SAMD13: variants seen among roughly 807,000 people sequenced by gnomAD.
SAMD13 encodes the protein sterile alpha motif domain-containing protein 13.
SAMD13 carries 9 observed loss-of-function variants against 12.4 expected under a neutral mutation model. The observed-to-expected ratio is 0.72, with a 90% CI of 0.44 to 1.26. The LOEUF (loss-of-function observed/expected upper bound fraction) is 1.26, where lower values mean the gene tolerates loss of function less well. Ranked by LOEUF, SAMD13 falls within the 50% of genes most tolerant of loss-of-function variation. SAMD13 has a pLI of 0.00. For missense variants in SAMD13, 84 were observed against 119.6 expected, an observed-to-expected ratio of 0.70 and a Z score of 1.39; for synonymous variants, 46 against 45.4, an observed-to-expected ratio of 1.01 and a Z score of -0.05.
chr1:84,332,068 C>A (rs1187355601), intron 3 of SAMD13, among the ~76,000 whole-genome samples: 2 of 152,100 alleles, frequency 1.3e-5, no homozygotes, highest in Non-Finnish European at 2.9e-5. Flanking sequence ...TGATCTTATT[C>A]TTTTTTAATG....
At chr1:84,340,294 T>C (rs1448167105) in intron 3 of SAMD13, among the ~76,000 whole-genome samples, 3 of 152,206 alleles carry the variant, frequency 2.0e-5, no homozygotes, top group Non-Finnish European at 4.4e-5. Context: ...TGGATAAACA[T>C]TGAAAACATG....
chr1:84,308,163 T>C (rs1013324808), intron 2 of SAMD13, among the ~76,000 whole-genome samples: 2 of 152,198 alleles, frequency 1.3e-5, no homozygotes, highest in Non-Finnish European at 2.9e-5. Context: ...TATTTCATCT[T>C]TTTTATTAAA....
At position 84,312,824 on chromosome 1, in the gene SAMD13, AGT is replaced by A. The variant is rs201739607; in HGVS notation, c.53+9539_53+9540del. Among the ~76,000 whole-genome samples, 37 of 152,310 alleles carry A rather than the reference AGT, an allele frequency of 2.4e-4. No homozygotes were observed. In the East Asian group the frequency reaches 7.1e-3, roughly 29 times the overall value. ...TTCCTCAATCAAACTTCAAATGCTC[AGT>A]GGACACATGGTACTAGCTGCTACCA... On this transcript the variant is annotated intron_variant, in intron 2 of 3. Transcript: ENST00000394834.
At chr1:84,300,338 G>A (rs764977287), upstream of SAMD13, among the ~76,000 whole-genome samples, 21 of 152,050 alleles carry the variant, frequency 1.4e-4, no homozygotes, top group Non-Finnish European at 2.5e-4. Flanking sequence ...AATCTTTCTT[G>A]GCACTGATCT....
chr1:84,315,766 A>G (rs1273221586), intron 2 of SAMD13, among the ~76,000 whole-genome samples: 1 of 152,126 alleles, frequency 6.6e-6, no homozygotes, highest in Non-Finnish European at 1.5e-5. Flanking sequence ...TAGTAGTTCT[A>G]TCTTTAATTT....
Position 84,325,151 on chromosome 1 carries a change from G to A in SAMD13, c.54-486G>A, listed in dbSNP as rs1030503717. ...CCAGAAAAAATGCTTCAAAGAGGAGGTAGTTTTGTATTGGTAGAAATGGTA... is the reference window on the plus strand; with the variant it reads ...CCAGAAAAAATGCTTCAAAGAGGAGATAGTTTTGTATTGGTAGAAATGGTA... On this transcript the variant is annotated intron_variant, in intron 2 of 3. Coordinates refer to ENST00000394834, the MANE Select transcript of SAMD13 (RefSeq NM_001134663.2). Among the ~76,000 whole-genome samples, 6 of 152,278 alleles carry A rather than the reference G, an allele frequency of 3.9e-5. No homozygotes were observed. In the South Asian group the frequency reaches 1.0e-3, roughly 26 times the overall value.
intron 2 of SAMD13, among the ~76,000 whole-genome samples, chr1:84,312,562 G>A (rs996507593): frequency 1.1e-4 from 16 of 152,084 alleles, no homozygotes; most frequent in African/African-American, 3.9e-4. Flanking sequence ...TGTTACCTGG[G>A]TGAATAGGAA....
At chr1:84,343,765 C>T (rs554809809) in intron 3 of SAMD13, among the ~76,000 whole-genome samples, 2 of 152,170 alleles carry the variant, frequency 1.3e-5, no homozygotes, top group South Asian at 2.1e-4. Context: ...GGGCTTAATA[C>T]CTAGGTGATA....
Position 84,350,029 on chromosome 1 carries a change from A to G in SAMD13, c.*255A>G. On this transcript the variant is annotated 3_prime_UTR_variant, in exon 4 of 4. Transcript: ENST00000394834. Reference sequence around the variant, plus strand: ...AATAGATGATCTTTGACACGATTAGACACTCCTCCCCACAAAGGCTTTGAA... The same window carrying G: ...AATAGATGATCTTTGACACGATTAGGCACTCCTCCCCACAAAGGCTTTGAA... 10 of 497,942 alleles carry G rather than the reference A, an allele frequency of 2.0e-5. No individual in the cohort carries two copies. Among genetic ancestry groups the G allele is most frequent in the Non-Finnish European group, 2.7e-5 (9 of 336,416 alleles). 30.8% of individuals were successfully genotyped at this position (497,942 alleles called of 1,614,324 possible).
intron 3 of SAMD13, among the ~76,000 whole-genome samples, chr1:84,340,335 T>G (rs1268993122): frequency 2.6e-5 from 4 of 152,232 alleles, no homozygotes; most frequent in African/African-American, 9.6e-5. Flanking sequence ...AAATATTGCA[T>G]AATTCCACTT....
intron 3 of SAMD13, among the ~76,000 whole-genome samples, chr1:84,329,019 C>A (rs976858401): frequency 6.6e-6 from 1 of 152,016 alleles, no homozygotes; most frequent in Non-Finnish European, 1.5e-5. Flanking sequence ...TATGTGCCCC[C>A]AAAACTCTTA....
upstream of SAMD13, chr1:84,301,680 G>C (rs906330594): frequency 2.0e-6 from 2 of 985,280 alleles, no homozygotes; most frequent in East Asian, 1.1e-4. Flanking sequence ...TTATTTCACT[G>C]TGTCAAATTG....
At chr1:84,304,278 G>A (rs1678513427) in intron 2 of SAMD13, 1 of 152,174 alleles carries the variant, frequency 6.6e-6, no homozygotes, top group Admixed American at 6.6e-5. Context: ...AAAGTTTGGG[G>A]TAGGTAGGTG....
chr1:84,316,594 C>T (rs1323257208), intron 2 of SAMD13, among the ~76,000 whole-genome samples: 1 of 152,074 alleles, frequency 6.6e-6, no homozygotes, highest in Non-Finnish European at 1.5e-5. Flanking sequence ...GTCTTTATGC[C>T]ATTGCCATAC....
At chr1:84,313,454 C>A (rs2101795011) in intron 2 of SAMD13, among the ~76,000 whole-genome samples, 1 of 152,144 alleles carries the variant, frequency 6.6e-6, no homozygotes, top group African/African-American at 2.4e-5. Context: ...CATATATATT[C>A]AAATCATGAG....
intron 2 of SAMD13, among the ~76,000 whole-genome samples, chr1:84,309,461 G>T (rs1288273068): frequency 6.6e-6 from 1 of 152,142 alleles, no homozygotes; most frequent in Admixed American, 6.6e-5. Context: ...CAAATGTCAT[G>T]CTGGACTCCT....
intron 2 of SAMD13, among the ~76,000 whole-genome samples, chr1:84,321,852 C>T (rs1263932008): frequency 6.6e-6 from 1 of 152,156 alleles, no homozygotes; most frequent in Admixed American, 6.6e-5. Flanking sequence ...TGGATCATCA[C>T]CAGCTTTCTC....
At chr1:84,346,480 T>A (rs1487721809) in intron 3 of SAMD13, among the ~76,000 whole-genome samples, 2 of 152,234 alleles carry the variant, frequency 1.3e-5, no homozygotes, top group African/African-American at 4.8e-5. Flanking sequence ...ATTCCCAAGA[T>A]GTGAAATATC....
intron 3 of SAMD13, among the ~76,000 whole-genome samples, chr1:84,327,189 T>C (rs1679077327): frequency 6.6e-6 from 1 of 152,176 alleles, no homozygotes; most frequent in Admixed American, 6.5e-5. Context: ...AGCCTAGGTG[T>C]ACATCAATAG....
Sources: gnomAD v4.1 joint callset for allele counts (sites outside exome capture counted in the v4.1 genomes callset) on GRCh38, gnomAD v4.1.1 for gene constraint, MANE v1.5 for transcripts, NCBI Gene and HGNC (gene_info 2026-07-23, HGNC 2026-07-21) for gene names.